Variants in SGCZ observed in about 807,000 individuals in gnomAD.
SGCZ encodes the protein zeta-sarcoglycan.
A neutral mutation model predicts 41.3 loss-of-function variants in SGCZ; 40 were observed. The ratio of observed to expected loss-of-function variants is 0.97; its 90% CI spans 0.75 to 1.26. The LOEUF (loss-of-function observed/expected upper bound fraction) is 1.26, where lower values mean the gene tolerates loss of function less well. Ranked by LOEUF, SGCZ falls within the 50% of genes most tolerant of loss-of-function variation. SGCZ has a pLI of 0.00. For missense variants in SGCZ, 552 were observed against 369.8 expected (o/e 1.49, Z -4.04); for synonymous variants, 206 against 137.5 (o/e 1.50, Z -3.49).
intron 2 of SGCZ, among the ~76,000 whole-genome samples, chr8:14,392,171 C>T (rs893189679): frequency 1.3e-5 from 2 of 152,034 alleles, no homozygotes; most frequent in Non-Finnish European, 2.9e-5. Context: ...TATTTTAATT[C>T]AATAATAGCT....
intron 1 of SGCZ, among the ~76,000 whole-genome samples, chr8:15,054,982 A>C: frequency 6.7e-6 from 1 of 148,902 alleles, no homozygotes; most frequent in Non-Finnish European, 1.5e-5. Flanking sequence ...AAAAAATAAG[A>C]CTCCATTTTG....
At chr8:15,018,640 G>GA (rs1563441688) in intron 1 of SGCZ, among the ~76,000 whole-genome samples, 1 of 152,160 alleles carries the variant, frequency 6.6e-6, no homozygotes. Context: ...GGGACAGAGG[G>GA]GAGAAGGTAA....
At chr8:14,953,928 A>T (rs1035213003) in intron 1 of SGCZ, among the ~76,000 whole-genome samples, 3 of 152,192 alleles carry the variant, frequency 2.0e-5, no homozygotes, top group African/African-American at 7.2e-5. Context: ...TACTGGCTAA[A>T]TATTTTTTTC....
chr8:15,204,766 C>A (rs1012852791), intron 1 of SGCZ, among the ~76,000 whole-genome samples: 1 of 152,124 alleles, frequency 6.6e-6, no homozygotes, highest in Non-Finnish European at 1.5e-5. Context: ...TTAACTATAG[C>A]CCACATAACA....
rs188506904 is a variant in SGCZ at position 14,156,284 on chromosome 8, C to A, written c.547+8296G>T. Among the ~76,000 whole-genome samples the A allele has an allele frequency of 5.3e-5, 8 of 152,142 alleles. No individual in the cohort carries two copies. The East Asian group carries it at 1.5e-3, about 29-fold the overall frequency. On this transcript the variant is annotated intron_variant, in intron 5 of 7. Transcript: ENST00000382080. ...ACCATCCTGGCTAACACAGTGAAAT[C>A]CTGTCTCTACTAAAAATATAAAAAA...
chr8:14,266,485 G>C (rs1799870122), intron 3 of SGCZ, among the ~76,000 whole-genome samples: 1 of 152,120 alleles, frequency 6.6e-6, no homozygotes, highest in African/African-American at 2.4e-5. Context: ...GTAGGAATTA[G>C]CCAGGTAGGG....
chr8:14,989,802 T>C (rs1485495251), intron 1 of SGCZ, among the ~76,000 whole-genome samples: 2 of 152,174 alleles, frequency 1.3e-5, no homozygotes, highest in Non-Finnish European at 2.9e-5. Flanking sequence ...TATCCTGTTT[T>C]TGTTACAAAA....
intron 1 of SGCZ, among the ~76,000 whole-genome samples, chr8:14,799,271 TA>T (rs1801237084): frequency 6.6e-6 from 1 of 152,212 alleles, no homozygotes; most frequent in Admixed American, 6.5e-5. Flanking sequence ...GTGATACTGC[TA>T]AACTTTTTAT....
intron 1 of SGCZ, among the ~76,000 whole-genome samples, chr8:15,130,686 A>T (rs1807863402): frequency 6.6e-6 from 1 of 152,172 alleles, no homozygotes; most frequent in Non-Finnish European, 1.5e-5. Flanking sequence ...GTCAATTCTG[A>T]TGAAAGTATT....
At chr8:14,676,864 A>G (rs905930167) in intron 1 of SGCZ, among the ~76,000 whole-genome samples, 2 of 152,156 alleles carry the variant, frequency 1.3e-5, no homozygotes, top group Non-Finnish European at 2.9e-5. Context: ...ACCATACTTA[A>G]CGGCTAGAAA....
intron 2 of SGCZ, among the ~76,000 whole-genome samples, chr8:14,514,084 T>G (rs1585617301): frequency 6.6e-6 from 1 of 152,112 alleles, no homozygotes; most frequent in East Asian, 1.9e-4. Context: ...CAGCATAGGT[T>G]AGTCCTTTGA....
chr8:14,637,460 C>A (rs1267144793), intron 1 of SGCZ, among the ~76,000 whole-genome samples: 2 of 151,736 alleles, frequency 1.3e-5, no homozygotes, highest in African/African-American at 4.8e-5. Context: ...TTTCAACCCA[C>A]ATATCTCTCC....
At chr8:15,082,726 TG>T (rs1805800964) in intron 1 of SGCZ, among the ~76,000 whole-genome samples, 1 of 152,180 alleles carries the variant, frequency 6.6e-6, no homozygotes, top group African/African-American at 2.4e-5. Flanking sequence ...ACTTTGAGGT[TG>T]TTTTCCTTCC....
intron 1 of SGCZ, among the ~76,000 whole-genome samples, chr8:15,213,084 T>A (rs989468203): frequency 1.3e-5 from 2 of 152,010 alleles, no homozygotes; most frequent in Middle Eastern, 3.2e-3. Context: ...AGGGGCGACA[T>A]AAAGGGGAAG....
At chr8:14,615,209 T>C (rs1806060519) in intron 1 of SGCZ, among the ~76,000 whole-genome samples, 1 of 152,232 alleles carries the variant, frequency 6.6e-6, no homozygotes, top group East Asian at 1.9e-4. Context: ...GTTGACTCTG[T>C]ACTTTGAATT....
chr8:14,950,347 C>CT (rs1800593326), intron 1 of SGCZ, among the ~76,000 whole-genome samples: 1 of 151,824 alleles, frequency 6.6e-6, no homozygotes, highest in African/African-American at 2.4e-5. Flanking sequence ...CATTTCCTTC[C>CT]TTTTTTCTTT....
intron 2 of SGCZ, among the ~76,000 whole-genome samples, chr8:14,512,760 C>T (rs536266015): frequency 2.6e-4 from 40 of 152,006 alleles, no homozygotes; most frequent in Non-Finnish European, 4.6e-4. Flanking sequence ...TCACCACACC[C>T]GGCTAGATGC....
intron 1 of SGCZ, among the ~76,000 whole-genome samples, chr8:15,190,774 C>T (rs1800510697): frequency 6.6e-6 from 1 of 151,936 alleles, no homozygotes; most frequent in African/African-American, 2.4e-5. Flanking sequence ...CAAAGATTTG[C>T]AATTTTGTAA....
chr8:14,777,157 T>C (rs1056681828), intron 1 of SGCZ, among the ~76,000 whole-genome samples: 2 of 152,194 alleles, frequency 1.3e-5, no homozygotes, highest in Non-Finnish European at 2.9e-5. Context: ...ATTTGAAACA[T>C]GGACGTTTAT....
Sources: allele counts gnomAD v4.1 joint callset (sites outside exome capture counted in the v4.1 genomes callset), GRCh38; gene constraint gnomAD v4.1.1; transcripts MANE v1.5; gene names NCBI Gene and HGNC (gene_info 2026-07-23, HGNC 2026-07-21).